The following CDC40 variants were observed in gnomAD, a reference collection of about 807,000 sequenced individuals.
CDC40 encodes the protein cell division cycle 40.
A neutral mutation model predicts 80.6 loss-of-function variants in CDC40; 27 were observed. That is an observed-to-expected ratio of 0.33 (90% CI 0.25 to 0.46). CDC40 has a LOEUF of 0.46. Among genes scored for constraint, CDC40 ranks in the 20% least tolerant of loss-of-function variants. The pLI is 1.00. For synonymous variants in CDC40, 221 were observed against 232.6 expected, an observed-to-expected ratio of 0.95 and a Z score of 0.45; for missense variants, 486 against 694.1, an observed-to-expected ratio of 0.70 and a Z score of 3.37.
intron 1 of CDC40, among the ~76,000 whole-genome samples, chr6:110,192,462 C>A (rs1056128157): frequency 3.9e-5 from 6 of 152,168 alleles, no homozygotes; most frequent in Admixed American, 3.9e-4. Flanking sequence ...GGGGAGGCCA[C>A]GAGCTCCCTT....
intron 3 of CDC40, among the ~76,000 whole-genome samples, chr6:110,205,838 G>T (rs960392056): frequency 1.3e-5 from 2 of 152,148 alleles, no homozygotes; most frequent in African/African-American, 2.4e-5. Context: ...AAAAAGTTAT[G>T]TGCAGAACAC....
At chr6:110,189,985 A>G (rs1389386936) in intron 1 of CDC40, among the ~76,000 whole-genome samples, 1 of 152,232 alleles carries the variant, frequency 6.6e-6, no homozygotes, top group Non-Finnish European at 1.5e-5. Flanking sequence ...GCCTTATCCT[A>G]CTTAATTTCT....
chr6:110,195,931 A>C (rs1777413784), intron 2 of CDC40, among the ~76,000 whole-genome samples: 1 of 152,200 alleles, frequency 6.6e-6, no homozygotes, highest in African/African-American at 2.4e-5. Context: ...GGGGAGTAGC[A>C]TAATCAAAGC....
At chr6:110,220,420 A>G (rs1246172529) in intron 12 of CDC40, among the ~76,000 whole-genome samples, 2 of 151,014 alleles carry the variant, frequency 1.3e-5, no homozygotes, top group Non-Finnish European at 3.0e-5. Flanking sequence ...AGGCCCCACA[A>G]TCATTGATGA....
Position 110,210,693 on chromosome 6 carries a change from C to T in CDC40, c.631-14C>T. The T allele has an allele frequency of 6.8e-7, 1 of 1,471,304 alleles. No individual in the cohort carries two copies. 91.1% of individuals were successfully genotyped at this position (1,471,304 alleles called of 1,614,324 possible). ...AGAACATTCATTTTAAATTTCACTC[C>T]TTAATTTTCTTAGGAAGAGCAAAAA... On this transcript the variant is annotated splice_polypyrimidine_tract_variant and intron_variant, in intron 5 of 14. Transcript: ENST00000307731.
intron 6 of CDC40, chr6:110,211,903 A>G: frequency 2.2e-6 from 1 of 456,940 alleles, no homozygotes; most frequent in Non-Finnish European, 3.9e-6. Flanking sequence ...AAGGTCTATA[A>G]TCTCTGGATA....
At chr6:110,219,325 A>C (rs950417794) in intron 10 of CDC40, 39 bp from the exon 11 acceptor site, 4 of 959,706 alleles carry the variant, frequency 4.2e-6, no homozygotes, top group Non-Finnish European at 6.6e-6. Flanking sequence ...TAAGTGGTCA[A>C]ATTTATTTTA....
At chr6:110,214,102 T>A (rs377158601) in intron 8 of CDC40, among the ~76,000 whole-genome samples, 24 of 152,332 alleles carry the variant, frequency 1.6e-4, no homozygotes, top group African/African-American at 5.1e-4. Context: ...CACTTTTTTT[T>A]ATAAGAGCAA....
chr6:110,214,570 C>T (rs1485263367), intron 8 of CDC40, among the ~76,000 whole-genome samples: 1 of 152,128 alleles, frequency 6.6e-6, no homozygotes, highest in Non-Finnish European at 1.5e-5. Context: ...GGAATGATTG[C>T]AGTCATGAGC....
At chr6:110,189,445 T>C (rs1777317189) in intron 1 of CDC40, among the ~76,000 whole-genome samples, 1 of 152,194 alleles carries the variant, frequency 6.6e-6, no homozygotes, top group Non-Finnish European at 1.5e-5. Context: ...TGGAGCTCCA[T>C]GCTTGCTTTA....
At chr6:110,207,334 AAAAG>A (rs1777577713) in intron 3 of CDC40, among the ~76,000 whole-genome samples, 168 bp from the exon 4 acceptor site, 1 of 150,938 alleles carries the variant, frequency 6.6e-6, no homozygotes, top group African/African-American at 2.5e-5. Flanking sequence ...AAAAAAAAAA[AAAAG>A]GAAGCAATAT....
intron 2 of CDC40, among the ~76,000 whole-genome samples, chr6:110,197,426 A>AT (rs1202145605): frequency 6.6e-6 from 1 of 152,208 alleles, no homozygotes; most frequent in Non-Finnish European, 1.5e-5. Flanking sequence ...TGTACTGATC[A>AT]TTTTTTGTGG....
At chr6:110,198,532 C>T (rs1777449149) in intron 2 of CDC40, among the ~76,000 whole-genome samples, 1 of 152,038 alleles carries the variant, frequency 6.6e-6, no homozygotes, top group Non-Finnish European at 1.5e-5. Flanking sequence ...AGTCCTTTGC[C>T]AATTTTTAAT....
intron 2 of CDC40, among the ~76,000 whole-genome samples, chr6:110,199,462 T>A (rs181633317): frequency 6.6e-6 from 1 of 151,640 alleles, no homozygotes; most frequent in Non-Finnish European, 1.5e-5. Flanking sequence ...GGTGTGGTGG[T>A]GGGCACCTGT....
intron 6 of CDC40, 199 bp from the exon 7 acceptor site, chr6:110,211,934 A>G: frequency 1.9e-6 from 1 of 522,280 alleles, no homozygotes; most frequent in Non-Finnish European, 3.4e-6. Context: ...TCGAAATACT[A>G]CCTCTAGTTG....
rs370845621 is a variant in CDC40 at position 110,180,441 on chromosome 6, C to T, written c.-4C>T. 1 of 1,614,010 alleles carries T rather than the reference C, an allele frequency of 6.2e-7. No individual in the cohort carries two copies. Among genetic ancestry groups the T allele is most frequent in the East Asian group, 2.2e-5 (1 of 44,870 alleles). Reference sequence around the variant, plus strand: ...AGGGTCTCCGCAGAAGATTTGTTGCCGTCATGTCGGCTGCGATTGCAGCTC... The same window carrying T: ...AGGGTCTCCGCAGAAGATTTGTTGCTGTCATGTCGGCTGCGATTGCAGCTC... On this transcript the variant is annotated 5_prime_UTR_variant, in exon 1 of 15. Coordinates refer to ENST00000307731, the MANE Select transcript of CDC40 (RefSeq NM_015891.3).
chr6:110,209,154 C>A lies in CDC40; in HGVS notation c.561C>A (p.Ser187=). The change falls in exon 5 of 15, where the codon TCC becomes TCA. Residue 187 remains serine, a synonymous_variant. Coordinates refer to ENST00000307731, the MANE Select transcript of CDC40 (RefSeq NM_015891.3). ...AAAAGTTTAAAGAAAATGATGCATCCAATATTGATGGTTTTTTGGGACCAT... is the reference window on the plus strand; with the variant it reads ...AAAAGTTTAAAGAAAATGATGCATCAAATATTGATGGTTTTTTGGGACCAT... ...KRKKFKENDA[S]NIDGFLGPWA... 1 of 1,605,806 alleles carries A rather than the reference C, an allele frequency of 6.2e-7. No homozygotes were observed. The highest frequency in any genetic ancestry group is 8.5e-7 in the Non-Finnish European group (1 of 1,173,094).
At chr6:110,185,894 A>T (rs952336870) in intron 1 of CDC40, among the ~76,000 whole-genome samples, 1 of 152,214 alleles carries the variant, frequency 6.6e-6, no homozygotes, top group Admixed American at 6.5e-5. Flanking sequence ...TTGGATTTTT[A>T]AAATCATTAC....
chr6:110,209,120 A>C lies in CDC40; in HGVS notation c.527A>C (p.Glu176Ala), dbSNP rs1223380687. The part of the protein sequence containing the change: ...TVFETGQKKT[E>A]KRKKFKENDA... ...TTTGAAACTGGTCAGAAGAAAACAG[A>C]AAAGAGGAAAAAGTTTAAAGAAAAT... is the stretch of plus-strand genomic sequence containing the variant. The change falls in exon 5 of 15, where the codon GAA (glutamate) becomes GCA (alanine). Residue 176 changes from glutamate to alanine, a missense_variant. Transcript: ENST00000307731. The C allele has an allele frequency of 1.3e-6, 2 of 1,599,884 alleles. No individual in the cohort carries two copies. The highest frequency in any genetic ancestry group is 1.7e-6 in the Non-Finnish European group (2 of 1,167,674).
Sources: allele counts gnomAD v4.1 joint callset (sites outside exome capture counted in the v4.1 genomes callset), GRCh38; gene constraint gnomAD v4.1.1; transcripts MANE v1.5; gene names NCBI Gene and HGNC (gene_info 2026-07-23, HGNC 2026-07-21).